The following STXBP5L variants were observed in gnomAD, a reference collection of about 807,000 sequenced individuals.
STXBP5L encodes syntaxin-binding protein 5-like.
A neutral mutation model predicts 144.5 loss-of-function variants in STXBP5L; 65 were observed. The ratio of observed to expected loss-of-function variants is 0.45; its 90% CI spans 0.37 to 0.55. STXBP5L has a LOEUF of 0.55. Ranked by LOEUF, STXBP5L falls within the 20% of genes least tolerant of loss-of-function variation. STXBP5L has a pLI of 0.00. For missense variants in STXBP5L, 1,298 were observed against 1,405.5 expected (o/e 0.92, Z 1.22); for synonymous variants, 505 against 469.6 (o/e 1.08, Z -0.97).
At chr3:121,376,735 T>C (rs978892065) in intron 20 of STXBP5L, among the ~76,000 whole-genome samples, 4 of 152,226 alleles carry the variant, frequency 2.6e-5, no homozygotes. Flanking sequence ...TGGTTCCATA[T>C]GAAACTTAAA....
Position 121,091,164 on chromosome 3 carries a change from A to T in STXBP5L, c.471-23761A>T, listed in dbSNP as rs553218267. 7.5e-5 allele frequency among the ~76,000 whole-genome samples: 11 copies of T among 147,248 alleles called. 2 individuals carry two copies. Among genetic ancestry groups the T allele is most frequent in the Admixed American group, 5.7e-4 (8 of 13,982 alleles). ...TGGTGTATATGTGCCACATTTTCTTAATCCAGTCTATCATTGATGGACATT... is the reference window on the plus strand; with the variant it reads ...TGGTGTATATGTGCCACATTTTCTTTATCCAGTCTATCATTGATGGACATT... On this transcript the variant is annotated intron_variant, in intron 5 of 26. Transcript: ENST00000471454.
At chr3:120,910,145 G>A in intron 2 of STXBP5L, among the ~76,000 whole-genome samples, 1 of 152,154 alleles carries the variant, frequency 6.6e-6, no homozygotes, top group East Asian at 1.9e-4. Context: ...AAAGCTACTA[G>A]CATGTTGCTA....
In STXBP5L at chr3:121,003,848, A is replaced by C. The variant is rs538244044; in HGVS notation, c.288-37852A>C. Among the ~76,000 whole-genome samples the C allele has an allele frequency of 2.6e-5, 4 of 152,306 alleles. No homozygotes were observed. The South Asian group carries it at 8.3e-4, about 32-fold the overall frequency. On this transcript the variant is annotated intron_variant, in intron 3 of 26. Coordinates refer to ENST00000471454, the MANE Select transcript of STXBP5L (RefSeq NM_001308330.2). ...TTCTTGTTTTTGTCAGGTTTGTCAA[A>C]GATCAGATGGTTGAAGATATATGGC... is the stretch of plus-strand genomic sequence containing the variant.
At chr3:121,316,000 CA>C (rs201621147) in intron 19 of STXBP5L, among the ~76,000 whole-genome samples, 2,485 of 97,280 alleles carry the variant, frequency 0.026, 57 homozygotes, top group African/African-American at 0.076. Flanking sequence ...GACTCTGTCT[CA>C]AAAAAAAAAA....
rs746907099 is a variant in STXBP5L, at chr3:121,413,234, T to C, written c.3025T>C (p.Phe1009Leu). 5 of 1,610,652 alleles carry C rather than the reference T, an allele frequency of 3.1e-6. No individual in the cohort carries two copies. Among genetic ancestry groups the C allele is most frequent in the Non-Finnish European group, 4.2e-6 (5 of 1,179,052 alleles). Residue 1009 changes from phenylalanine (F) to leucine (L), a missense_variant, in exon 24 of 27, where the codon TTT becomes CTT. Physicochemically the swap from Phe to Leu is conservative, Grantham distance 22. Coordinates refer to ENST00000471454, the MANE Select transcript of STXBP5L (RefSeq NM_001308330.2). ...TDMRIARTFC[F>L]TNEGQALYLV... ...CATGAGGATAGCACGAACATTTTGT[T>C]TTACCAATGAAGGACAGGCATTATA...
chr3:121,261,829 G>GA (rs1189245365), intron 18 of STXBP5L, among the ~76,000 whole-genome samples: 7 of 152,112 alleles, frequency 4.6e-5, no homozygotes, highest in Non-Finnish European at 1.0e-4. Flanking sequence ...TGTCTTTGAG[G>GA]AAAAAATAAG....
intron 20 of STXBP5L, among the ~76,000 whole-genome samples, chr3:121,372,134 C>T (rs1217670029): frequency 6.6e-6 from 1 of 152,146 alleles, no homozygotes; most frequent in African/African-American, 2.4e-5. Flanking sequence ...CTCTGCCAGT[C>T]AGGCACAGTC....
At chr3:120,986,058 G>T (rs1329847877) in intron 3 of STXBP5L, among the ~76,000 whole-genome samples, 1 of 151,828 alleles carries the variant, frequency 6.6e-6, no homozygotes, top group Non-Finnish European at 1.5e-5. Flanking sequence ...CCTTAGCACT[G>T]TTTTTGCTGC....
At chr3:121,293,774 T>C (rs2051539553) in intron 19 of STXBP5L, among the ~76,000 whole-genome samples, 1 of 152,140 alleles carries the variant, frequency 6.6e-6, no homozygotes. Context: ...GGCGGGAGAA[T>C]CACTTGAACC....
chr3:121,374,826 G>A (rs998080023), intron 20 of STXBP5L, among the ~76,000 whole-genome samples: 2 of 151,432 alleles, frequency 1.3e-5, no homozygotes, highest in Non-Finnish European at 2.9e-5. Context: ...AGAATGAGAA[G>A]GAATTAGGAA....
intron 3 of STXBP5L, among the ~76,000 whole-genome samples, chr3:121,018,523 CAA>C (rs139946627): frequency 0.029 from 2,944 of 101,870 alleles, 30 homozygotes; most frequent in Non-Finnish European, 0.039. Context: ...ATCCATATAC[CAA>C]AAAAAAAAAA....
intron 5 of STXBP5L, among the ~76,000 whole-genome samples, chr3:121,091,331 T>A (rs1200247457): frequency 7.2e-6 from 1 of 139,038 alleles, no homozygotes; most frequent in African/African-American, 2.8e-5. Context: ...ATTTCTAGTT[T>A]TAGAACCCTG....
intron 2 of STXBP5L, among the ~76,000 whole-genome samples, chr3:120,914,836 C>G (rs955730400): frequency 6.6e-6 from 1 of 152,062 alleles, no homozygotes; most frequent in Non-Finnish European, 1.5e-5. Flanking sequence ...GACTAAGATG[C>G]TAACAAGCGT....
chr3:120,987,606 G>C (rs1184462236), intron 3 of STXBP5L, among the ~76,000 whole-genome samples: 2 of 151,696 alleles, frequency 1.3e-5, no homozygotes, highest in Non-Finnish European at 2.9e-5. Context: ...TCTTCACAGA[G>C]GACGGCTTAT....
chr3:121,406,697 T>C (rs2108741642), intron 22 of STXBP5L, among the ~76,000 whole-genome samples: 1 of 152,176 alleles, frequency 6.6e-6, no homozygotes, highest in Non-Finnish European at 1.5e-5. Context: ...CCACCGTGAA[T>C]TCCAGATATT....
intron 3 of STXBP5L, among the ~76,000 whole-genome samples, chr3:120,981,494 A>G (rs1456756614): frequency 6.6e-6 from 1 of 151,954 alleles, no homozygotes; most frequent in East Asian, 1.9e-4. Context: ...TTTGATCTCT[A>G]TATTGTGGTT....
chr3:121,157,404 A>T, intron 8 of STXBP5L, 100 bp from the exon 9 acceptor site: 1 of 1,233,956 alleles, frequency 8.1e-7, no homozygotes. Flanking sequence ...TGTTGTTAGT[A>T]TAATAATTTT....
chr3:120,971,819 C>T (rs1268078595), intron 3 of STXBP5L, among the ~76,000 whole-genome samples: 1 of 150,084 alleles, frequency 6.7e-6, no homozygotes, highest in African/African-American at 2.5e-5. Flanking sequence ...TATGTCTGTG[C>T]CATGGAATAC....
chr3:120,983,651 C>T (rs1271603711), intron 3 of STXBP5L, among the ~76,000 whole-genome samples: 4 of 152,114 alleles, frequency 2.6e-5, no homozygotes, highest in Admixed American at 6.6e-5. Context: ...CTGAGGGACT[C>T]TTCTACAGAT....
Sources: allele counts gnomAD v4.1 joint callset (sites outside exome capture counted in the v4.1 genomes callset), GRCh38; gene constraint gnomAD v4.1.1; transcripts MANE v1.5; gene names NCBI Gene and HGNC (gene_info 2026-07-23, HGNC 2026-07-21).